SGCD: variants seen among roughly 807,000 people sequenced by gnomAD.
The protein encoded by SGCD is delta-sarcoglycan.
In SGCD, 18 loss-of-function variants were observed where a neutral mutation model predicts 36.6. That is an observed-to-expected ratio of 0.49 (90% CI 0.34 to 0.73). SGCD has a LOEUF of 0.73. Ranked by LOEUF, SGCD falls within the 30% of genes least tolerant of loss-of-function variation. SGCD has a pLI of 0.01. For synonymous variants in SGCD, 133 were observed against 130.6 expected (o/e 1.02, Z -0.12); for missense variants, 387 against 346.7 (o/e 1.12, Z -0.92).
At chr5:155,904,631 T>C (rs1756460955) in intron 1 of SGCD, among the ~76,000 whole-genome samples, 1 of 152,302 alleles carries the variant, frequency 6.6e-6, no homozygotes, top group African/African-American at 2.4e-5. Context: ...TGTAAAATAT[T>C]GTGCTTATGA....
intron 1 of SGCD, among the ~76,000 whole-genome samples, chr5:155,999,159 T>C (rs767689164): frequency 1.3e-5 from 2 of 152,274 alleles, no homozygotes; most frequent in Non-Finnish European, 2.9e-5. Context: ...TCTGGGGTCC[T>C]GCCCAGTTTG....
the SGCD span, among the ~76,000 whole-genome samples, chr5:155,738,855 G>A: frequency 2.1e-5 from 3 of 144,334 alleles, no homozygotes; most frequent in African/African-American, 5.0e-5. Context: ...GTATGTATAT[G>A]AGAGTGTGTG....
intron 3 of SGCD, among the ~76,000 whole-genome samples, chr5:156,433,760 G>A (rs1753126665): frequency 6.6e-6 from 1 of 152,130 alleles, no homozygotes. Context: ...CTTGATAATA[G>A]GGTAAACATT....
chr5:156,101,087 C>G (rs1761506597), intron 1 of SGCD, among the ~76,000 whole-genome samples: 1 of 152,152 alleles, frequency 6.6e-6, no homozygotes, highest in African/African-American at 2.4e-5. Flanking sequence ...CAGTGAGAAG[C>G]CAGAATGAGG....
intron 1 of SGCD, among the ~76,000 whole-genome samples, chr5:155,921,255 T>C (rs1191039117): frequency 1.3e-5 from 2 of 152,108 alleles, no homozygotes; most frequent in African/African-American, 4.8e-5. Flanking sequence ...AGTTGTAATT[T>C]GAGGGACAGC....
At chr5:156,414,443 T>C (rs1772925614) in intron 3 of SGCD, among the ~76,000 whole-genome samples, 1 of 152,220 alleles carries the variant, frequency 6.6e-6, no homozygotes. Context: ...CATAAAAGAA[T>C]ATTGTTGATA....
intron 3 of SGCD, among the ~76,000 whole-genome samples, chr5:156,447,120 C>T (rs564344801): frequency 1.6e-4 from 25 of 152,184 alleles, no homozygotes; most frequent in African/African-American, 5.8e-4. Context: ...AATTTCACGG[C>T]GTTTTATTGG....
At chr5:155,951,628 C>G (rs142834549) in intron 1 of SGCD, among the ~76,000 whole-genome samples, 98 of 151,886 alleles carry the variant, frequency 6.5e-4, no homozygotes, top group African/African-American at 2.2e-3. Flanking sequence ...AATATGTGCA[C>G]TTTTCTGTAT....
intron 6 of SGCD, among the ~76,000 whole-genome samples, chr5:156,616,510 A>T (rs1175679509): frequency 6.6e-6 from 1 of 152,208 alleles, no homozygotes; most frequent in Non-Finnish European, 1.5e-5. Flanking sequence ...GTTGTATATG[A>T]GACAGTGGAA....
chr5:156,170,791 A>G (rs895115210), intron 3 of SGCD, among the ~76,000 whole-genome samples: 6 of 152,228 alleles, frequency 3.9e-5, no homozygotes, highest in African/African-American at 1.4e-4. Context: ...GCTAAGTTCC[A>G]GGCTGTAATC....
rs537573751 is a variant in SGCD, at chr5:156,380,520, A to G, written c.192+35843A>G. Among the ~76,000 whole-genome samples the G allele has an allele frequency of 3.3e-5, 5 of 152,354 alleles. No individual in the cohort carries two copies. In the East Asian group the frequency reaches 9.6e-4, roughly 29 times the overall value. On this transcript the variant is annotated intron_variant, in intron 3 of 8. Transcript: ENST00000337851. ...AAGAAAATCTTAGCAAATGACTTGC[A>G]TGAGGCATTGTGACTTACAAGGCTA... is the stretch of plus-strand genomic sequence containing the variant.
At chr5:156,148,538 GTCTT>G (rs891006633) in intron 3 of SGCD, among the ~76,000 whole-genome samples, 4 of 152,108 alleles carry the variant, frequency 2.6e-5, no homozygotes, top group African/African-American at 9.7e-5. Flanking sequence ...CTGATATATG[GTCTT>G]TCTTTTTATT....
chr5:155,777,353 TTTTTTTG>T, the SGCD span, among the ~76,000 whole-genome samples: 1 of 97,916 alleles, frequency 1.0e-5, no homozygotes, highest in African/African-American at 3.8e-5. Context: ...AAATTTGTAG[TTTTTTTG>T]TTTTTTTTTT....
intron 1 of SGCD, among the ~76,000 whole-genome samples, chr5:156,052,148 C>T (rs1415644518): frequency 1.4e-5 from 2 of 146,264 alleles, no homozygotes; most frequent in East Asian, 3.8e-4. Flanking sequence ...CCAAGTTCCA[C>T]CCAAGAAGAG....
the SGCD span, among the ~76,000 whole-genome samples, chr5:155,865,243 T>A: frequency 6.6e-6 from 1 of 151,022 alleles, no homozygotes; most frequent in Non-Finnish European, 1.5e-5. Flanking sequence ...TAACAAAGTA[T>A]ATTTTATAAA....
At chr5:156,482,278 ACTG>A (rs1755465210) in intron 3 of SGCD, among the ~76,000 whole-genome samples, 1 of 152,086 alleles carries the variant, frequency 6.6e-6, no homozygotes, top group Non-Finnish European at 1.5e-5. Flanking sequence ...AAAAAAAAAA[ACTG>A]CTAACATATA....
rs575194421 is a variant in SGCD at position 156,048,446 on chromosome 5, C to A, written c.-281-69432C>A. Reference sequence around the variant, plus strand: ...TAGTTTACAGTCCCACCAACAGTGTCAAAGTGTTCCTATTTCTCCACATCC... The same window carrying A: ...TAGTTTACAGTCCCACCAACAGTGTAAAAGTGTTCCTATTTCTCCACATCC... On this transcript the variant is annotated intron_variant, in intron 1 of 9. Transcript: ENST00000517913. 3.5e-4 allele frequency among the ~76,000 whole-genome samples: 53 copies of A among 152,128 alleles called. 1 individual carries two copies. The highest frequency in any genetic ancestry group is 5.1e-4 in the African/African-American group (21 of 41,536).
At chr5:156,388,270 C>T (rs1309521003) in intron 3 of SGCD, among the ~76,000 whole-genome samples, 2 of 152,078 alleles carry the variant, frequency 1.3e-5, no homozygotes, top group African/African-American at 4.8e-5. Flanking sequence ...CTTAAAAAAG[C>T]CTCCCTATGA....
chr5:156,382,508 T>A (rs1034312706), intron 3 of SGCD, among the ~76,000 whole-genome samples: 11 of 152,218 alleles, frequency 7.2e-5, no homozygotes, highest in African/African-American at 2.7e-4. Context: ...ATGTTTCTAT[T>A]TCATTTTAAT....
Sources: gnomAD v4.1 joint callset for allele counts (sites outside exome capture counted in the v4.1 genomes callset) on GRCh38, gnomAD v4.1.1 for gene constraint, MANE v1.5 for transcripts, NCBI Gene and HGNC (gene_info 2026-07-23, HGNC 2026-07-21) for gene names.